CNTNAP2: variants seen among roughly 807,000 people sequenced by gnomAD.
CNTNAP2 encodes contactin associated protein 2.
CNTNAP2 carries 98 observed loss-of-function variants against 155.2 expected under a neutral mutation model. That is an observed-to-expected ratio of 0.63 (90% CI 0.54 to 0.75). The LOEUF is 0.75. Among genes scored for constraint, CNTNAP2 ranks in the 30% least tolerant of loss-of-function variants. The pLI is 0.00. For missense variants in CNTNAP2, 1,727 were observed against 1,688.1 expected (o/e 1.02, Z -0.40); for synonymous variants, 651 against 631.2 (o/e 1.03, Z -0.47).
chr7:146,783,532 T>C (rs1359679392), intron 2 of CNTNAP2, among the ~76,000 whole-genome samples: 1 of 152,256 alleles, frequency 6.6e-6, no homozygotes, highest in African/African-American at 2.4e-5. Context: ...TTATAAATGA[T>C]AGAATGTTGA....
chr7:146,436,177 A>G (rs900535131), intron 1 of CNTNAP2, among the ~76,000 whole-genome samples: 2 of 152,150 alleles, frequency 1.3e-5, no homozygotes, highest in African/African-American at 2.4e-5. Flanking sequence ...AGAATAAACC[A>G]TAGGGCTAAG....
chr7:146,343,582 G>A (rs1015767875), intron 1 of CNTNAP2, among the ~76,000 whole-genome samples: 1 of 152,042 alleles, frequency 6.6e-6, no homozygotes, highest in Non-Finnish European at 1.5e-5. Flanking sequence ...AAAGGAATTT[G>A]CAGTAATACT....
chr7:146,593,799 C>T (rs1383159613), intron 1 of CNTNAP2, among the ~76,000 whole-genome samples: 1 of 152,152 alleles, frequency 6.6e-6, no homozygotes, highest in African/African-American at 2.4e-5. Flanking sequence ...ATCAGGCTTC[C>T]CTGAACTCTT....
chr7:147,741,577 G>C (rs1796957836), intron 13 of CNTNAP2, among the ~76,000 whole-genome samples: 1 of 152,142 alleles, frequency 6.6e-6, no homozygotes, highest in South Asian at 2.1e-4. Context: ...TTGACTCATG[G>C]TTTATACATA....
chr7:147,262,103 G>A (rs1392317100), intron 8 of CNTNAP2, among the ~76,000 whole-genome samples: 1 of 152,176 alleles, frequency 6.6e-6, no homozygotes. Context: ...ATAAAATGTA[G>A]ACTGTTGTTC....
chr7:147,686,817 A>G (rs1372607193), intron 13 of CNTNAP2, among the ~76,000 whole-genome samples: 3 of 152,124 alleles, frequency 2.0e-5, no homozygotes, highest in Non-Finnish European at 2.9e-5. Context: ...GCTTAACAAA[A>G]AAGCAAGGGA....
At chr7:148,131,861 G>A (rs1021416520) in intron 16 of CNTNAP2, among the ~76,000 whole-genome samples, 2 of 151,658 alleles carry the variant, frequency 1.3e-5, no homozygotes, top group Non-Finnish European at 2.9e-5. Context: ...AAAAAAAAAA[G>A]TAGATACAAT....
chr7:146,902,039 C>G (rs7794366), intron 3 of CNTNAP2, among the ~76,000 whole-genome samples: 1 of 151,830 alleles, frequency 6.6e-6, no homozygotes, highest in African/African-American at 2.4e-5. Flanking sequence ...CCTCGCCCGG[C>G]TAATTTTTCT....
intron 18 of CNTNAP2, among the ~76,000 whole-genome samples, chr7:148,216,403 C>A (rs1421596205): frequency 1.3e-5 from 2 of 152,142 alleles, no homozygotes; most frequent in Non-Finnish European, 2.9e-5. Flanking sequence ...GTGGCAGAGC[C>A]AAATTTGAAC....
At chr7:146,160,695 T>C (rs1798205848) in intron 1 of CNTNAP2, among the ~76,000 whole-genome samples, 1 of 152,088 alleles carries the variant, frequency 6.6e-6, no homozygotes, top group Non-Finnish European at 1.5e-5. Flanking sequence ...GGTTCTGAAA[T>C]TCAGGCAATA....
intron 13 of CNTNAP2, among the ~76,000 whole-genome samples, chr7:147,884,077 A>G (rs535114297): frequency 1.3e-5 from 2 of 152,224 alleles, no homozygotes; most frequent in African/African-American, 4.8e-5. Context: ...TTTGAAGAAC[A>G]TCTAAGGAAG....
At chr7:146,280,514 C>G (rs145437219) in intron 1 of CNTNAP2, among the ~76,000 whole-genome samples, 30 of 152,236 alleles carry the variant, frequency 2.0e-4, no homozygotes, top group Non-Finnish European at 4.3e-4. Flanking sequence ...CTTGGCCGCT[C>G]CTATCTTGTC....
intron 20 of CNTNAP2, among the ~76,000 whole-genome samples, chr7:148,248,477 G>A (rs976889338): frequency 6.6e-6 from 1 of 152,160 alleles, no homozygotes; most frequent in African/African-American, 2.4e-5. Flanking sequence ...GATTACAGGC[G>A]TGAGCTACCA....
intron 12 of CNTNAP2, among the ~76,000 whole-genome samples, chr7:147,621,629 T>C (rs1441745214): frequency 6.6e-6 from 1 of 151,504 alleles, no homozygotes; most frequent in Non-Finnish European, 1.5e-5. Context: ...CAAACCAAAA[T>C]CAAACAATGG....
chr7:146,428,392 A>G (rs988203782), intron 1 of CNTNAP2, among the ~76,000 whole-genome samples: 2 of 151,928 alleles, frequency 1.3e-5, no homozygotes, highest in African/African-American at 4.8e-5. Flanking sequence ...TTTTTATCCA[A>G]AACCTTGCCA....
intron 3 of CNTNAP2, among the ~76,000 whole-genome samples, chr7:147,037,491 C>A (rs1050582414): frequency 6.3e-5 from 7 of 111,188 alleles, no homozygotes; most frequent in African/African-American, 7.0e-5. Flanking sequence ...GATGGAGTTT[C>A]GCTCTTGTTG....
Position 147,348,443 on chromosome 7 carries a change from A to G in CNTNAP2, c.1499-47166A>G, listed in dbSNP as rs913497240. The stretch of plus-strand genomic sequence containing the variant: ...AGGCAAATACAAATCAAAAATCACA[A>G]TAAGTTATCGCACCGTCAGTAGGAG... On this transcript the variant is annotated intron_variant, in intron 9 of 23. Coordinates refer to ENST00000361727, the MANE Select transcript of CNTNAP2 (RefSeq NM_014141.6). 3.3e-5 allele frequency among the ~76,000 whole-genome samples: 5 copies of G among 152,038 alleles called. No individual in the cohort carries two copies. The South Asian group carries it at 1.0e-3, about 32-fold the overall frequency.
intron 3 of CNTNAP2, among the ~76,000 whole-genome samples, chr7:146,986,504 C>T (rs1798116927): frequency 2.0e-5 from 3 of 152,096 alleles, no homozygotes; most frequent in Admixed American, 2.0e-4. Context: ...ACTCATTTAC[C>T]TCTGGGTAGA....
At chr7:148,153,240 GA>G (rs3056237) in intron 17 of CNTNAP2, among the ~76,000 whole-genome samples, 103 of 130,188 alleles carry the variant, frequency 7.9e-4, no homozygotes, top group African/African-American at 1.5e-3. Flanking sequence ...CAAAGTAACC[GA>G]AAAAAAAAAA....
Sources: gnomAD v4.1 joint callset for allele counts (sites outside exome capture counted in the v4.1 genomes callset) on GRCh38, gnomAD v4.1.1 for gene constraint, MANE v1.5 for transcripts, NCBI Gene and HGNC (gene_info 2026-07-23, HGNC 2026-07-21) for gene names.